The following NKAIN2 variants were observed in gnomAD, a reference collection of about 807,000 sequenced individuals.
The protein encoded by NKAIN2 is sodium/potassium transporting ATPase interacting 2, also known as sodium/potassium-transporting ATPase subunit beta-1-interacting protein 2.
NKAIN2 carries 14 observed loss-of-function variants against 32.6 expected under a neutral mutation model. The observed-to-expected ratio is 0.43, with a 90% CI of 0.28 to 0.67. The LOEUF (loss-of-function observed/expected upper bound fraction) is 0.67, where lower values mean the gene tolerates loss of function less well. NKAIN2 is among the 30% of genes least tolerant of loss of function. The probability of loss-of-function intolerance (pLI) is 0.17; values close to 1 mark genes in which losing one functional copy is unlikely to be tolerated. For missense variants in NKAIN2, 198 were observed against 258.3 expected (o/e 0.77, Z 1.60); for synonymous variants, 80 against 87.2 (o/e 0.92, Z 0.46).
intron 1 of NKAIN2, among the ~76,000 whole-genome samples, chr6:124,224,147 C>T (rs973287260): frequency 6.6e-6 from 1 of 152,094 alleles, no homozygotes; most frequent in African/African-American, 2.4e-5. Context: ...ATTCTGCATA[C>T]ATTTACATTC....
At chr6:124,700,015 G>T (rs1365356180) in intron 4 of NKAIN2, among the ~76,000 whole-genome samples, 1 of 152,120 alleles carries the variant, frequency 6.6e-6, no homozygotes. Flanking sequence ...AGTTAAGTAA[G>T]ATTTAGAATC....
chr6:123,858,452 AT>A (rs1775649793), intron 1 of NKAIN2, among the ~76,000 whole-genome samples: 1 of 152,194 alleles, frequency 6.6e-6, no homozygotes, highest in Non-Finnish European at 1.5e-5. Flanking sequence ...AACCTGTTTT[AT>A]AGATGAGGAA....
chr6:123,871,654 T>G (rs756724469), intron 1 of NKAIN2, among the ~76,000 whole-genome samples: 3 of 152,218 alleles, frequency 2.0e-5, no homozygotes, highest in Non-Finnish European at 4.4e-5. Context: ...CTGTTCCACT[T>G]ACAATTAGTT....
chr6:124,053,802 G>C (rs547659635), intron 1 of NKAIN2, among the ~76,000 whole-genome samples: 9 of 152,150 alleles, frequency 5.9e-5, no homozygotes, highest in Non-Finnish European at 1.3e-4. Context: ...GAATCATTAA[G>C]TTTTGAATCT....
At chr6:124,412,264 G>A (rs1220776673) in intron 3 of NKAIN2, among the ~76,000 whole-genome samples, 1 of 152,096 alleles carries the variant, frequency 6.6e-6, no homozygotes, top group Non-Finnish European at 1.5e-5. Flanking sequence ...GAATTTTAGA[G>A]TTTCTGGTTT....
chr6:124,040,496 A>G (rs56078240), intron 1 of NKAIN2, among the ~76,000 whole-genome samples: 29 of 152,030 alleles, frequency 1.9e-4, no homozygotes, highest in Non-Finnish European at 4.1e-4. Context: ...TCTTTGTCAT[A>G]ATTACCTCAG....
intron 1 of NKAIN2, among the ~76,000 whole-genome samples, chr6:123,912,973 G>A (rs556042024): frequency 4.2e-4 from 64 of 152,254 alleles, no homozygotes; most frequent in Middle Eastern, 3.4e-3. Flanking sequence ...TCCCTAAGGC[G>A]AAACCTGTAG....
intron 3 of NKAIN2, among the ~76,000 whole-genome samples, chr6:124,554,993 CTT>C (rs146359321): frequency 0.031 from 4,704 of 152,268 alleles, 230 homozygotes; most frequent in African/African-American, 0.11. Context: ...GCCATCATCT[CTT>C]GTTTCCTGCA....
At chr6:124,087,540 CCTGGAACTAATTAATG>C (rs1784239234) in intron 1 of NKAIN2, among the ~76,000 whole-genome samples, 1 of 151,864 alleles carries the variant, frequency 6.6e-6, no homozygotes, top group Non-Finnish European at 1.5e-5. Context: ...CAAAAAACTT[CCTGGAACTAATTAATG>C]ATTATAGCAA....
intron 4 of NKAIN2, among the ~76,000 whole-genome samples, chr6:124,759,457 A>G (rs1281919926): frequency 6.6e-6 from 1 of 151,976 alleles, no homozygotes; most frequent in Non-Finnish European, 1.5e-5. Context: ...AATATTTCAA[A>G]TGATCTACAA....
At chr6:124,447,970 A>AC in intron 3 of NKAIN2, among the ~76,000 whole-genome samples, 1 of 152,200 alleles carries the variant, frequency 6.6e-6, no homozygotes, top group Admixed American at 6.6e-5. Flanking sequence ...GGGATACAGT[A>AC]TGTATCCCTT....
intron 4 of NKAIN2, among the ~76,000 whole-genome samples, chr6:124,709,280 G>T (rs1228907467): frequency 6.7e-6 from 1 of 148,874 alleles, no homozygotes; most frequent in African/African-American, 2.5e-5. Context: ...TGTTCATCAA[G>T]GATATTGGTC....
intron 3 of NKAIN2, among the ~76,000 whole-genome samples, chr6:124,398,668 G>T: frequency 6.6e-6 from 1 of 152,158 alleles, no homozygotes; most frequent in South Asian, 2.1e-4. Context: ...TTAAAATTGT[G>T]CAGTTTTAAG....
intron 1 of NKAIN2, among the ~76,000 whole-genome samples, chr6:123,979,356 C>T (rs73773032): frequency 0.026 from 3,992 of 152,230 alleles, 165 homozygotes; most frequent in African/African-American, 0.092. Flanking sequence ...GTGTGCACAG[C>T]ATGGGTATAA....
intron 1 of NKAIN2, among the ~76,000 whole-genome samples, chr6:123,908,293 T>C (rs966665886): frequency 3.9e-5 from 6 of 152,202 alleles, no homozygotes; most frequent in Non-Finnish European, 8.8e-5. Flanking sequence ...TAAGATTTGC[T>C]AGAAGTCTGC....
chr6:124,245,120 T>G (rs1203276031), intron 1 of NKAIN2, among the ~76,000 whole-genome samples: 1 of 152,116 alleles, frequency 6.6e-6, no homozygotes, highest in Non-Finnish European at 1.5e-5. Flanking sequence ...CTCAGGTGTT[T>G]GCGCTTGGCC....
At chr6:124,724,189 A>C (rs1776163148) in intron 4 of NKAIN2, among the ~76,000 whole-genome samples, 1 of 152,236 alleles carries the variant, frequency 6.6e-6, no homozygotes, top group South Asian at 2.1e-4. Flanking sequence ...AGAGAGGTTT[A>C]AATACTAAGC....
At chr6:124,661,906 T>C (rs895405174) in intron 4 of NKAIN2, among the ~76,000 whole-genome samples, 5 of 152,226 alleles carry the variant, frequency 3.3e-5, no homozygotes, top group Non-Finnish European at 2.9e-5. Flanking sequence ...TTTCAATGTG[T>C]GATTGGAACA....
intron 3 of NKAIN2, among the ~76,000 whole-genome samples, chr6:124,652,202 T>A (rs1242595650): frequency 1.3e-5 from 2 of 152,192 alleles, no homozygotes; most frequent in Non-Finnish European, 2.9e-5. Flanking sequence ...TCTGCCACTT[T>A]ATATCAAGGA....
Sources: gnomAD v4.1 joint callset for allele counts (sites outside exome capture counted in the v4.1 genomes callset) on GRCh38, gnomAD v4.1.1 for gene constraint, MANE v1.5 for transcripts, NCBI Gene and HGNC (gene_info 2026-07-23, HGNC 2026-07-21) for gene names.